The following ANKFY1 variants were observed in gnomAD, a reference collection of about 807,000 sequenced individuals.
ANKFY1 encodes the protein ankyrin repeat and FYVE domain containing 1, also known as ankyrin repeat and FYVE domain-containing protein 1.
A neutral mutation model predicts 128.3 loss-of-function variants in ANKFY1; 47 were observed. That is an observed-to-expected ratio of 0.37 (90% CI 0.29 to 0.47). The LOEUF is 0.47. ANKFY1 is among the 20% of genes least tolerant of loss of function. The probability of loss-of-function intolerance (pLI) is 1.00; values close to 1 mark genes in which losing one functional copy is unlikely to be tolerated. For synonymous variants in ANKFY1, 553 were observed against 601.6 expected (o/e 0.92, Z 1.18); for missense variants, 1,222 against 1,510.6 (o/e 0.81, Z 3.17).
chr17:4,207,396 G>A (rs991230819), intron 6 of ANKFY1, among the ~76,000 whole-genome samples: 20 of 152,166 alleles, frequency 1.3e-4, no homozygotes, highest in Admixed American at 1.1e-3. Flanking sequence ...AATGGCCCTC[G>A]GCTGACAGCC....
chr17:4,196,739 C>T (rs2059831382), intron 8 of ANKFY1, among the ~76,000 whole-genome samples: 1 of 152,178 alleles, frequency 6.6e-6, no homozygotes, highest in Non-Finnish European at 1.5e-5. Flanking sequence ...GTTCTTCAAA[C>T]TATCCAAGCA....
At chr17:4,241,806 C>T (rs923300833) in intron 2 of ANKFY1, among the ~76,000 whole-genome samples, 2 of 151,734 alleles carry the variant, frequency 1.3e-5, no homozygotes, top group Non-Finnish European at 2.9e-5. Context: ...AATCTTGCCT[C>T]GGGCCCGGCA....
At position 4,197,296 on chromosome 17, in the gene ANKFY1, C is replaced by T. The variant is rs6502773; in HGVS notation, c.1103+77G>A. 1,415,304 of 1,476,794 alleles carry T rather than the reference C, an allele frequency of 0.96. 686,202 individuals are homozygous for T. Among genetic ancestry groups the T allele is most frequent in the South Asian group, 0.99 (86,480 of 86,978 alleles). The allele number at this position is 1,476,794 out of a possible 1,614,324, so 91.5% of individuals were successfully genotyped here. A position where few individuals can be genotyped will look rare whatever the true frequency, so the allele number is the denominator to read the frequency against. On this transcript the variant is annotated intron_variant, in intron 8 of 24. Transcript: ENST00000341657. ...GCCAAACTAAAGAACATGAACTCCCCGTATGCCAATTACATGCTACTGTAA... is the reference window on the plus strand; with the variant it reads ...GCCAAACTAAAGAACATGAACTCCCTGTATGCCAATTACATGCTACTGTAA...
chr17:4,187,091 C>A, intron 11 of ANKFY1: 1 of 1,021,334 alleles, frequency 9.8e-7, no homozygotes, highest in East Asian at 3.3e-5. Flanking sequence ...AATGTTAGTG[C>A]ACCCGTCACC....
rs1191762510 is a variant in ANKFY1 at position 4,263,680 on chromosome 17, G to A, written c.10+252C>T. On this transcript the variant is annotated intron_variant, in intron 1 of 24. Coordinates refer to ENST00000341657, the MANE Select transcript of ANKFY1 (RefSeq NM_001330063.2). Reference sequence around the variant, plus strand: ...CGCGGCTGCACGCAGCACCGGCGCGGGACCTGCCAGCCCGGCTCCGCAGCC... The same window carrying A: ...CGCGGCTGCACGCAGCACCGGCGCGAGACCTGCCAGCCCGGCTCCGCAGCC... 4 of 1,530,762 alleles carry A rather than the reference G, an allele frequency of 2.6e-6. No individual in the cohort carries two copies. The Admixed American group carries it at 5.9e-5, about 23-fold the overall frequency. The allele number at this position is 1,530,762 out of a possible 1,614,324, so 94.8% of individuals were successfully genotyped here.
intron 1 of ANKFY1, among the ~76,000 whole-genome samples, chr17:4,259,953 C>T (rs1372780573): frequency 2.6e-5 from 4 of 152,102 alleles, no homozygotes. Context: ...GAGGACTGTT[C>T]CAGGCCAAGG....
intron 7 of ANKFY1, among the ~76,000 whole-genome samples, chr17:4,199,302 A>T (rs2059884865): frequency 6.6e-6 from 1 of 152,184 alleles, no homozygotes; most frequent in African/African-American, 2.4e-5. Context: ...GATTCTCCTA[A>T]CTCAGTCTCC....
At chr17:4,195,234 T>G (rs2059795923) in intron 9 of ANKFY1, 57 bp from the exon 10 acceptor site, 1 of 1,519,596 alleles carries the variant, frequency 6.6e-7, no homozygotes, top group South Asian at 1.2e-5. Flanking sequence ...CACTCTATAC[T>G]GACAACAACC....
chr17:4,209,143 G>A (rs1205102497), intron 5 of ANKFY1, among the ~76,000 whole-genome samples: 3 of 152,244 alleles, frequency 2.0e-5, no homozygotes, highest in African/African-American at 7.2e-5. Context: ...CTCTCCGCCT[G>A]ATTAGGAGAG....
chr17:4,219,239 C>G (rs1218505172), intron 3 of ANKFY1, among the ~76,000 whole-genome samples: 1 of 152,094 alleles, frequency 6.6e-6, no homozygotes, highest in Non-Finnish European at 1.5e-5. Context: ...TTATTTCAAC[C>G]AGAGTTAACT....
chr17:4,171,319 G>A (rs544339148), intron 22 of ANKFY1, among the ~76,000 whole-genome samples: 30 of 152,260 alleles, frequency 2.0e-4, no homozygotes, highest in Middle Eastern at 3.4e-3. Context: ...TCAGTATTAG[G>A]AACACGCTCC....
intron 7 of ANKFY1, 148 bp from the exon 8 acceptor site, chr17:4,197,725 A>G: frequency 1.4e-6 from 1 of 737,272 alleles, no homozygotes; most frequent in Non-Finnish European, 2.2e-6. Flanking sequence ...GTAAGTGGAA[A>G]CTCATTGAGA....
intron 3 of ANKFY1, among the ~76,000 whole-genome samples, chr17:4,234,709 G>A (rs574050650): frequency 3.9e-5 from 6 of 152,142 alleles, no homozygotes; most frequent in African/African-American, 1.4e-4. Context: ...CAGAGACAGG[G>A]TCTTCCCAGG....
At chr17:4,172,455 G>A (rs776460432) in intron 22 of ANKFY1, 101 bp downstream of exon 22, 55 of 1,493,900 alleles carry the variant, frequency 3.7e-5, no homozygotes, top group Non-Finnish European at 4.4e-5. Flanking sequence ...ACTGTTCTGC[G>A]AGCTGAACGC....
At position 4,232,085 on chromosome 17, in the gene ANKFY1, G is replaced by A. The variant is rs112756265; in HGVS notation, c.322+3687C>T. The stretch of plus-strand genomic sequence containing the variant: ...TTGTATCCCTAACACCTTGAAAAGC[G>A]CTTACCACTCAATGTTTTTTATATG... On this transcript the variant is annotated intron_variant, in intron 3 of 24. Transcript: ENST00000341657. 7.7e-3 allele frequency among the ~76,000 whole-genome samples: 1,169 copies of A among 152,110 alleles called. 18 individuals carry two copies. Among genetic ancestry groups the A allele is most frequent in the African/African-American group, 0.027 (1,108 of 41,484 alleles).
intron 1 of ANKFY1, among the ~76,000 whole-genome samples, chr17:4,246,947 A>G (rs1219916698): frequency 6.6e-6 from 1 of 151,982 alleles, no homozygotes; most frequent in Non-Finnish European, 1.5e-5. Flanking sequence ...CCCCGTCTCT[A>G]CAAAAAAATA....
At chr17:4,230,988 G>C (rs1216319582) in intron 3 of ANKFY1, among the ~76,000 whole-genome samples, 4 of 152,122 alleles carry the variant, frequency 2.6e-5, no homozygotes, top group South Asian at 2.1e-4. Context: ...AATTTTACCA[G>C]TAATACCCTT....
At chr17:4,186,348 T>C (rs2059611680) in intron 11 of ANKFY1, 1 of 152,772 alleles carries the variant, frequency 6.5e-6, no homozygotes, top group African/African-American at 2.4e-5. Flanking sequence ...GGCGGTGATG[T>C]TTACAACTAA....
chr17:4,259,578 G>A (rs540503260), intron 1 of ANKFY1, among the ~76,000 whole-genome samples: 9 of 152,136 alleles, frequency 5.9e-5, no homozygotes, highest in South Asian at 2.1e-4. Flanking sequence ...CACCGTGCCC[G>A]GCCTTAAACA....
Sources: gnomAD v4.1 joint callset for allele counts (sites outside exome capture counted in the v4.1 genomes callset) on GRCh38, gnomAD v4.1.1 for gene constraint, MANE v1.5 for transcripts, NCBI Gene and HGNC (gene_info 2026-07-23, HGNC 2026-07-21) for gene names.